Variants in MYO5C observed in about 807,000 individuals in gnomAD.
MYO5C encodes unconventional myosin-Vc.
Under a neutral mutation model 235.7 loss-of-function variants are expected in MYO5C, and 194 were observed. That is an observed-to-expected ratio of 0.82 (90% CI 0.73 to 0.93). The LOEUF (loss-of-function observed/expected upper bound fraction) is 0.93, where lower values mean the gene tolerates loss of function less well. Ranked by LOEUF, MYO5C falls within the 40% of genes least tolerant of loss-of-function variation. MYO5C has a pLI of 0.00. For missense variants in MYO5C, 2,038 were observed against 2,127.2 expected (o/e 0.96, Z 0.82); for synonymous variants, 707 against 754.8 (o/e 0.94, Z 1.04).
Position 52,237,604 on chromosome 15 carries a change from C to G in MYO5C, c.2746G>C (p.Ala916Pro). The change falls in exon 22 of 41, where the codon GCT becomes CCT. Residue 916 changes from alanine to proline, a missense_variant. By Grantham distance (27) the Ala-to-Pro change is conservative (BLOSUM62 -1). Coordinates refer to ENST00000261839, the MANE Select transcript of MYO5C (RefSeq NM_018728.4). ...HGLVEKLTSL[A>P]ALRAGDVEKI... ...TCCACATCCCCAGCTCGAAGAGCAG[C>G]CAGGCTAGTCAGCTTCTCCACCAGC... 4 of 1,614,006 alleles carry G rather than the reference C, an allele frequency of 2.5e-6. No homozygotes were observed. The highest frequency in any genetic ancestry group is 3.4e-6 in the Non-Finnish European group (4 of 1,180,034).
In MYO5C at chr15:52,266,448, C is replaced by T. The variant is rs2140835536; in HGVS notation, c.941-2152G>A. ...AGGGACTTTTTAATCAAAATGCCTC[C>T]CCTCGCGCTTCTCCAGGGGTAATCT... On this transcript the variant is annotated intron_variant, in intron 8 of 40. Coordinates refer to ENST00000261839, the MANE Select transcript of MYO5C (RefSeq NM_018728.4). 3.3e-5 allele frequency among the ~76,000 whole-genome samples: 5 copies of T among 152,314 alleles called. 1 individual carries two copies. The South Asian group carries it at 1.0e-3, about 32-fold the overall frequency.
chr15:52,225,106 C>T lies in MYO5C; in HGVS notation c.3334G>A (p.Glu1112Lys), dbSNP rs570712265. ...CTTACATCTTCAATGTCATAGCTTT[C>T]GAGAAGTTGTTTGGTGATCTCTGAC... Reference protein sequence around the residue: ...KMSEITKQLLESYDIEDVRSR... With the variant: ...KMSEITKQLLKSYDIEDVRSR... The change falls in exon 27 of 41, where the codon GAA (glutamate) becomes AAA (lysine). Residue 1112 changes from glutamate (E) to lysine (K), a missense_variant. Transcript: ENST00000261839. 34 of 1,614,058 alleles carry T rather than the reference C, an allele frequency of 2.1e-5. No individual in the cohort carries two copies. Among genetic ancestry groups the T allele is most frequent in the Non-Finnish European group, 2.6e-5 (31 of 1,179,982 alleles).
Position 52,261,023 on chromosome 15 carries a change from C to T in MYO5C, c.1152G>A (p.Thr384=), listed in dbSNP as rs188455194. ...GAGGCCTGGTCATGGGTTTTACCAC[C>T]GTCTCAGAGCTTGTGACGATTTTGC... is the stretch of plus-strand genomic sequence containing the variant. ...CNRKIVTSSE[T]VVKPMTRPQA... is the part of the protein sequence containing the mutation. Residue 384 remains threonine (T), a synonymous_variant, in exon 10 of 41, where the codon ACG becomes ACA. Transcript: ENST00000261839. 3.0e-5 allele frequency: 48 copies of T among 1,614,218 alleles called. No individual in the cohort carries two copies. In the African/African-American group the frequency reaches 3.9e-4, roughly 13 times the overall value.
chr15:52,223,897 C>G (rs2035759059), intron 28 of MYO5C, among the ~76,000 whole-genome samples, 173 bp from the exon 29 acceptor site: 1 of 152,176 alleles, frequency 6.6e-6, no homozygotes, highest in Non-Finnish European at 1.5e-5. Context: ...ATAAAATCTT[C>G]TAGCTAGTTA....
intron 11 of MYO5C, among the ~76,000 whole-genome samples, chr15:52,256,199 G>C (rs967620740): frequency 6.6e-6 from 1 of 152,174 alleles, no homozygotes; most frequent in Non-Finnish European, 1.5e-5. Context: ...AGGTATCGCA[G>C]GAGGCTCTCA....
At chr15:52,194,153 G>C (rs954826140) in intron 40 of MYO5C, 99 bp from the exon 41 acceptor site, 4 of 1,137,368 alleles carry the variant, frequency 3.5e-6, no homozygotes, top group Admixed American at 5.0e-5. Flanking sequence ...CTCTAGTGGA[G>C]AGCTCCTTGC....
rs376566491 is a variant in MYO5C at position 52,195,410 on chromosome 15, C to T, written c.5043G>A (p.Lys1681=). The T allele has an allele frequency of 1.2e-6, 2 of 1,613,454 alleles. No individual in the cohort carries two copies. The highest frequency in any genetic ancestry group is 1.7e-5 in the Admixed American group (1 of 59,898). ...NSYTPIDDFE[K]RVTPSFVRKV... ...TGCGAACAAAGGATGGAGTCACTCT[C>T]TTCTCAAAGTCATCTATAGGTGTGT... is the stretch of plus-strand genomic sequence containing the variant. Residue 1681 remains lysine, a synonymous_variant, in exon 40 of 41, where the codon AAG becomes AAA. Coordinates refer to ENST00000261839, the MANE Select transcript of MYO5C (RefSeq NM_018728.4).
Position 52,201,911 on chromosome 15 carries a change from G to T in MYO5C, c.4820+2954C>A, listed in dbSNP as rs1277345484. ...AACAACTGAGAAAAAAGATCAAAGG[G>T]ATAATACTAAAAAAAAAAAAAAAAA... On this transcript the variant is annotated intron_variant, in intron 38 of 40. Transcript: ENST00000261839. Among the ~76,000 whole-genome samples, 3 of 87,916 alleles carry T rather than the reference G, an allele frequency of 3.4e-5. No individual in the cohort carries two copies. In the Admixed American group the frequency reaches 4.6e-4, roughly 13 times the overall value. The allele number at this position is 87,916 out of a possible 152,430, so 57.7% of individuals were successfully genotyped here. A position where few individuals can be genotyped will look rare whatever the true frequency, so the allele number is the denominator to read the frequency against.
intron 29 of MYO5C, 58 bp from the exon 30 acceptor site, chr15:52,221,313 A>C (rs2035679778): frequency 1.6e-6 from 2 of 1,270,206 alleles, no homozygotes; most frequent in Non-Finnish European, 2.2e-6. Flanking sequence ...TGAACTTTAA[A>C]ATCTTAGAAG....
chr15:52,244,365 T>G lies in MYO5C; in HGVS notation c.2381A>C (p.Gln794Pro). 6.2e-7 allele frequency: 1 copy of G among 1,612,876 alleles called. No individual in the cohort carries two copies. The highest frequency in any genetic ancestry group is 8.5e-7 in the Non-Finnish European group (1 of 1,179,666). ...LIIQQYFRGQ[Q>P]TVRKAITAVA... The stretch of plus-strand genomic sequence containing the variant: ...CTTGATTCCAACATACCTCACAGTT[T>G]GCTGACCCCGGAAGTACTGCTGGAT... The change falls in exon 19 of 41, where the codon CAA becomes CCA. Residue 794 changes from glutamine to proline, a missense_variant. Gln to Pro is a moderately conservative substitution (Grantham distance 76). Coordinates refer to ENST00000261839, the MANE Select transcript of MYO5C (RefSeq NM_018728.4).
At position 52,211,908 on chromosome 15, in the gene MYO5C, G is replaced by T. The variant is rs371121822; in HGVS notation, c.4142-24C>A. 1.1e-5 allele frequency: 17 copies of T among 1,607,750 alleles called. No individual in the cohort carries two copies. The African/African-American group carries it at 1.9e-4, about 18-fold the overall frequency. On this transcript the variant is annotated intron_variant, in intron 34 of 40. Transcript: ENST00000261839. Reference sequence around the variant, plus strand: ...GTCTGAAGCAGAGAGAGCCAATGAGGATTACAGCTGACAGGTCAGCTCTTC... The same window carrying T: ...GTCTGAAGCAGAGAGAGCCAATGAGTATTACAGCTGACAGGTCAGCTCTTC...
At chr15:52,227,335 C>T (rs2035851978) in intron 25 of MYO5C, among the ~76,000 whole-genome samples, 1 of 149,936 alleles carries the variant, frequency 6.7e-6, no homozygotes, top group African/African-American at 2.5e-5. Context: ...GCTGGGACTA[C>T]AGGTGTGTGC....
intron 1 of MYO5C, among the ~76,000 whole-genome samples, chr15:52,291,587 CA>C (rs531764082): frequency 3.4e-4 from 51 of 152,140 alleles, no homozygotes; most frequent in African/African-American, 1.1e-3. Context: ...GAAACGACGC[CA>C]GGGACCAAAA....
At chr15:52,264,917 T>C (rs1308648323) in intron 8 of MYO5C, among the ~76,000 whole-genome samples, 1 of 152,222 alleles carries the variant, frequency 6.6e-6, no homozygotes, top group African/African-American at 2.4e-5. Context: ...AGAAGGTCAC[T>C]GCTCCTCTGG....
rs2037125513 is a variant in MYO5C, at chr15:52,279,671, G to A, written c.142C>T (p.Leu48=). The change falls in exon 3 of 41, where the codon CTG becomes TTG. Residue 48 remains leucine, a synonymous_variant. Coordinates refer to ENST00000261839, the MANE Select transcript of MYO5C (RefSeq NM_018728.4). ...GATTCTGGATTGACAGAATAATCCA[G>A]CTCCTATGGACAAAGATAAAAATTA... is the stretch of plus-strand genomic sequence containing the variant. ...LRLLLEDGTE[L]DYSVNPESLP... 2 of 1,609,392 alleles carry A rather than the reference G, an allele frequency of 1.2e-6. No individual in the cohort carries two copies. The highest frequency in any genetic ancestry group is 1.7e-6 in the Non-Finnish European group (2 of 1,176,140).
At chr15:52,222,345 C>G (rs999430112) in intron 29 of MYO5C, among the ~76,000 whole-genome samples, 1 of 152,152 alleles carries the variant, frequency 6.6e-6, no homozygotes, top group African/African-American at 2.4e-5. Context: ...TGTGTCCACC[C>G]CTGGTCCTCA....
In MYO5C at chr15:52,233,298, T is replaced by A. The variant is rs1328278102; in HGVS notation, c.2963-613A>T. Among the ~76,000 whole-genome samples the A allele has an allele frequency of 7.8e-5, 11 of 141,472 alleles. 1 individual carries two copies. The highest frequency in any genetic ancestry group is 2.6e-4 in the African/African-American group (9 of 35,174). 92.8% of individuals were successfully genotyped at this position (141,472 alleles called of 152,430 possible). On this transcript the variant is annotated intron_variant, in intron 23 of 40. Transcript: ENST00000261839. ...CGTCTCAAAAAAAAAAAAAAAAAAA[T>A]TAAAAAAAAAAAAAAATAAATAAAT... is the stretch of plus-strand genomic sequence containing the variant.
chr15:52,230,867 G>A (rs1311051719), intron 24 of MYO5C, among the ~76,000 whole-genome samples: 3 of 135,380 alleles, frequency 2.2e-5, no homozygotes, highest in East Asian at 2.2e-4. Flanking sequence ...TCACTCTGTC[G>A]CCCAGGCAGG....
At chr15:52,240,573 A>G (rs1442755396) in intron 20 of MYO5C, among the ~76,000 whole-genome samples, 1 of 151,060 alleles carries the variant, frequency 6.6e-6, no homozygotes, top group Non-Finnish European at 1.5e-5. Flanking sequence ...AGAAAAAAAA[A>G]AAAGAAAAAT....
Sources: gnomAD v4.1 joint callset for allele counts (sites outside exome capture counted in the v4.1 genomes callset) on GRCh38, gnomAD v4.1.1 for gene constraint, MANE v1.5 for transcripts, NCBI Gene and HGNC (gene_info 2026-07-23, HGNC 2026-07-21) for gene names.